Variants in CLSTN2 observed in about 807,000 individuals in gnomAD.
The protein encoded by CLSTN2 is calsyntenin 2.
In CLSTN2, 48 loss-of-function variants were observed where a neutral mutation model predicts 101.2. The observed-to-expected ratio is 0.47, with a 90% CI of 0.38 to 0.60. The LOEUF is 0.60. Ranked by LOEUF, CLSTN2 falls within the 20% of genes least tolerant of loss-of-function variation. The pLI, the probability that CLSTN2 is intolerant of heterozygous loss-of-function variation, is 0.00. For missense variants in CLSTN2, 1,160 were observed against 1,238.2 expected (o/e 0.94, Z 0.95); for synonymous variants, 481 against 463.6 (o/e 1.04, Z -0.48).
At position 140,566,651 on chromosome 3, in the gene CLSTN2, A is replaced by C; in HGVS notation, c.*398A>C. On this transcript the variant is annotated 3_prime_UTR_variant, in exon 17 of 17. Transcript: ENST00000458420. ...TTCCAACTCACTGTGCGTCTCCTCC[A>C]CACAGACCAGTAGGTTCTCCTATGC... is the stretch of plus-strand genomic sequence containing the variant. 3.9e-6 allele frequency: 1 copy of C among 255,428 alleles called. No homozygotes were observed. Among genetic ancestry groups the C allele is most frequent in the Non-Finnish European group, 7.7e-6 (1 of 129,176 alleles). 15.8% of individuals were successfully genotyped at this position (255,428 alleles called of 1,614,324 possible). A position where few individuals can be genotyped will look rare whatever the true frequency, so the allele number is the denominator to read the frequency against.
At chr3:140,104,900 C>T (rs1045871902) in intron 1 of CLSTN2, among the ~76,000 whole-genome samples, 1 of 152,202 alleles carries the variant, frequency 6.6e-6, no homozygotes, top group East Asian at 1.9e-4. Context: ...ATCACTTGAG[C>T]TTCAGAGGCG....
intron 2 of CLSTN2, among the ~76,000 whole-genome samples, chr3:140,389,161 T>C: frequency 6.6e-6 from 1 of 152,254 alleles, no homozygotes. Context: ...AGTTCTGGGA[T>C]ACATGTGCAG....
chr3:140,179,547 C>T (rs1332594321), intron 2 of CLSTN2, among the ~76,000 whole-genome samples: 3 of 122,592 alleles, frequency 2.4e-5, no homozygotes, highest in Non-Finnish European at 3.2e-5. Context: ...GTAGGAGGAT[C>T]AATTGATCCT....
intron 2 of CLSTN2, among the ~76,000 whole-genome samples, chr3:140,233,070 C>T (rs972155853): frequency 6.6e-6 from 1 of 152,088 alleles, no homozygotes; most frequent in African/African-American, 2.4e-5. Context: ...ACCCTATTAC[C>T]CTAAGAATTG....
intron 1 of CLSTN2, among the ~76,000 whole-genome samples, chr3:140,060,217 T>C (rs2008178807): frequency 6.6e-6 from 1 of 152,300 alleles, no homozygotes; most frequent in Middle Eastern, 3.4e-3. Flanking sequence ...GAATAATATA[T>C]GTACCGTTGT....
At chr3:140,446,805 T>A (rs1486551003) in intron 5 of CLSTN2, among the ~76,000 whole-genome samples, 1 of 152,176 alleles carries the variant, frequency 6.6e-6, no homozygotes, top group Non-Finnish European at 1.5e-5. Flanking sequence ...AGAGGTTAAG[T>A]CTCAAGCTAA....
Position 140,576,102 on chromosome 3 carries a change from C to CAT in CLSTN2, c.*9849_*9850insAT, listed in dbSNP as rs1213106720. ...ATGAGTATACCCCAAATTGAATGAG[C>CAT]CACAGAGAAATGCATCCAGCCACAC... is the stretch of plus-strand genomic sequence containing the variant. On this transcript the variant is annotated 3_prime_UTR_variant, in exon 17 of 17. Coordinates refer to ENST00000458420, the MANE Select transcript of CLSTN2 (RefSeq NM_022131.3). The CAT allele has an allele frequency of 6.6e-6, 1 of 152,172 alleles. No individual in the cohort carries two copies. The highest frequency in any genetic ancestry group is 6.5e-5 in the Admixed American group (1 of 15,284). The allele number at this position is 152,172 out of a possible 1,614,324, so 9.4% of individuals were successfully genotyped here. A position where few individuals can be genotyped will look rare whatever the true frequency, so the allele number is the denominator to read the frequency against.
intron 2 of CLSTN2, among the ~76,000 whole-genome samples, chr3:140,267,906 G>A (rs2086709437): frequency 6.6e-6 from 1 of 152,110 alleles, no homozygotes; most frequent in Non-Finnish European, 1.5e-5. Context: ...TTCCTAGAAG[G>A]CACAGCTATT....
At chr3:140,080,124 G>A (rs2008564269) in intron 1 of CLSTN2, among the ~76,000 whole-genome samples, 1 of 152,132 alleles carries the variant, frequency 6.6e-6, no homozygotes, top group African/African-American at 2.4e-5. Flanking sequence ...CCCCAGTCTC[G>A]TGGTCTTTCT....
chr3:140,133,306 C>A (rs1232865078), intron 1 of CLSTN2, among the ~76,000 whole-genome samples: 1 of 152,168 alleles, frequency 6.6e-6, no homozygotes. Context: ...CACCTCCCAT[C>A]AGGTCCCCAC....
intron 8 of CLSTN2, among the ~76,000 whole-genome samples, chr3:140,488,841 G>A (rs553178114): frequency 6.6e-6 from 1 of 151,678 alleles, no homozygotes; most frequent in East Asian, 1.9e-4. Flanking sequence ...TCTGAGTTGG[G>A]GCAAAAATGA....
intron 1 of CLSTN2, 76 bp from the exon 2 acceptor site, chr3:140,175,875 C>T: frequency 7.2e-7 from 1 of 1,390,644 alleles, no homozygotes; most frequent in South Asian, 1.3e-5. Context: ...GGCAAATATA[C>T]AATCTTAATA....
intron 2 of CLSTN2, among the ~76,000 whole-genome samples, chr3:140,364,791 A>G (rs923964655): frequency 6.6e-6 from 1 of 152,288 alleles, no homozygotes; most frequent in African/African-American, 2.4e-5. Context: ...AAATTTATTC[A>G]TTCATTCATT....
intron 12 of CLSTN2, among the ~76,000 whole-genome samples, chr3:140,560,657 T>C (rs1935892712): frequency 6.6e-6 from 1 of 152,008 alleles, no homozygotes; most frequent in Non-Finnish European, 1.5e-5. Context: ...TTGTACACAG[T>C]GGGAATCAAG....
intron 8 of CLSTN2, among the ~76,000 whole-genome samples, chr3:140,467,139 G>A (rs976615691): frequency 6.6e-6 from 1 of 152,178 alleles, no homozygotes; most frequent in Non-Finnish European, 1.5e-5. Context: ...TTGAGGACAG[G>A]GACTTGAGGG....
chr3:140,408,360 G>T (rs1379050735), intron 4 of CLSTN2, among the ~76,000 whole-genome samples: 1 of 152,104 alleles, frequency 6.6e-6, no homozygotes, highest in Non-Finnish European at 1.5e-5. Flanking sequence ...GAGACATCTG[G>T]GAACAAAGAA....
At chr3:139,992,496 C>T (rs1230444905) in intron 1 of CLSTN2, among the ~76,000 whole-genome samples, 3 of 152,156 alleles carry the variant, frequency 2.0e-5, no homozygotes, top group Non-Finnish European at 4.4e-5. Context: ...AGCTCTCCTG[C>T]AGCAGTGCCA....
At chr3:140,194,475 T>G (rs1237047512) in intron 2 of CLSTN2, among the ~76,000 whole-genome samples, 1 of 152,196 alleles carries the variant, frequency 6.6e-6, no homozygotes, top group Admixed American at 6.5e-5. Context: ...TCTGTAGCAG[T>G]TTGATGATTG....
At chr3:140,419,294 C>A (rs1302243586) in intron 4 of CLSTN2, among the ~76,000 whole-genome samples, 2 of 149,626 alleles carry the variant, frequency 1.3e-5, no homozygotes, top group East Asian at 4.0e-4. Context: ...ACCAGCCTGG[C>A]CAACATGGCG....
Sources: allele counts gnomAD v4.1 joint callset (sites outside exome capture counted in the v4.1 genomes callset), GRCh38; gene constraint gnomAD v4.1.1; transcripts MANE v1.5; gene names NCBI Gene and HGNC (gene_info 2026-07-23, HGNC 2026-07-21).